Variants in FSIP2 observed in about 807,000 individuals in gnomAD.
FSIP2 encodes fibrous sheath-interacting protein 2.
Under a neutral mutation model 510.5 loss-of-function variants are expected in FSIP2, and 367 were observed. The ratio of observed to expected loss-of-function variants is 0.72; its 90% CI spans 0.66 to 0.78. The LOEUF is 0.78. FSIP2 is among the 30% of genes least tolerant of loss of function. The pLI is 0.00. For missense variants in FSIP2, 7,594 were observed against 7,901.7 expected (o/e 0.96, Z 1.48); for synonymous variants, 2,601 against 2,732.2 (o/e 0.95, Z 1.50).
chr2:185,801,494 C>T lies in FSIP2; in HGVS notation c.12188C>T (p.Ala4063Val). Reference sequence around the variant, plus strand: ...TTACAGCAGTATGAATTAAAAGTGGCCTGTGGTAATAATCCGGTATACGAC... The same window carrying T: ...TTACAGCAGTATGAATTAAAAGTGGTCTGTGGTAATAATCCGGTATACGAC... ...DVLQQYELKV[A>V]CGNNPVYDNA... The change falls in exon 17 of 23, where the codon GCC becomes GTC. Residue 4063 changes from alanine to valine, a missense_variant. Coordinates refer to ENST00000424728, the MANE Select transcript of FSIP2 (RefSeq NM_173651.4). The T allele has an allele frequency of 6.5e-7, 1 of 1,533,522 alleles. No individual in the cohort carries two copies. The highest frequency in any genetic ancestry group is 1.2e-5 in the South Asian group (1 of 83,896). 95.0% of individuals were successfully genotyped at this position (1,533,522 alleles called of 1,614,324 possible).
intron 21 of FSIP2, among the ~76,000 whole-genome samples, chr2:185,831,391 T>A (rs1462225817): frequency 6.6e-6 from 1 of 151,906 alleles, no homozygotes; most frequent in African/African-American, 2.4e-5. Context: ...GACTCTGCAG[T>A]GGCTAAGATT....
chr2:185,743,082 T>C (rs1691955198), intron 2 of FSIP2, 51 bp from the exon 3 acceptor site: 3 of 1,158,386 alleles, frequency 2.6e-6, no homozygotes, highest in Admixed American at 3.5e-5. Context: ...TGATAGATTA[T>C]TTAAAGTGAA....
At chr2:185,762,940 A>G (rs537428151) in intron 11 of FSIP2, among the ~76,000 whole-genome samples, 1 of 151,630 alleles carries the variant, frequency 6.6e-6, no homozygotes, top group African/African-American at 2.4e-5. Context: ...ACATTAAATA[A>G]GGATTTCAGG....
chr2:185,780,723 A>G (rs59992605), intron 13 of FSIP2, among the ~76,000 whole-genome samples: 82,578 of 151,694 alleles, frequency 0.54, 22,724 homozygotes, highest in South Asian at 0.64. Flanking sequence ...ATTTCTGTGG[A>G]GAGTGGGAGG....
chr2:185,756,901 G>A (rs984108129), intron 9 of FSIP2, among the ~76,000 whole-genome samples: 4 of 151,206 alleles, frequency 2.6e-5, no homozygotes, highest in Non-Finnish European at 5.9e-5. Flanking sequence ...AAGAAATACT[G>A]TTTAAAATCT....
Position 185,793,270 on chromosome 2 carries a change from T to C in FSIP2, c.6134T>C (p.Leu2045Ser), listed in dbSNP as rs1314662619. 2 of 1,534,258 alleles carry C rather than the reference T, an allele frequency of 1.3e-6. No individual in the cohort carries two copies. Among genetic ancestry groups the C allele is most frequent in the South Asian group, 2.4e-5 (2 of 83,996 alleles). The change falls in exon 16 of 23, where the codon TTG (leucine) becomes TCG (serine). Residue 2045 changes from leucine (L) to serine (S), a missense_variant. Leu to Ser is a moderately radical substitution (Grantham distance 145). Transcript: ENST00000424728. The part of the protein sequence containing the change: ...ESIASQIVNA[L>S]LDIISRKGKC... The stretch of plus-strand genomic sequence containing the variant: ...ATTGCAAGTCAAATTGTTAACGCAT[T>C]GTTAGACATTATATCACGTAAAGGC...
At position 185,791,391 on chromosome 2, in the gene FSIP2, A is replaced by G. The variant is rs764814514; in HGVS notation, c.4255A>G (p.Asn1419Asp). The G allele has an allele frequency of 5.2e-6, 8 of 1,534,036 alleles. No individual in the cohort carries two copies. Among genetic ancestry groups the G allele is most frequent in the African/African-American group, 1.4e-5 (1 of 72,900 alleles). The change falls in exon 16 of 23, where the codon AAT becomes GAT. Residue 1419 changes from asparagine to aspartate, a missense_variant. Physicochemically the swap from Asn to Asp is conservative, Grantham distance 23. Coordinates refer to ENST00000424728, the MANE Select transcript of FSIP2 (RefSeq NM_173651.4). ...LATPCTHHSV[N>D]GGNHIKENAK... Reference sequence around the variant, plus strand: ...TACTCCTTGTACTCACCACAGTGTCAATGGTGGAAACCATATTAAAGAGAA... The same window carrying G: ...TACTCCTTGTACTCACCACAGTGTCGATGGTGGAAACCATATTAAAGAGAA...
At chr2:185,809,279 TC>T in intron 17 of FSIP2, 146 bp downstream of exon 17, 1 of 836,052 alleles carries the variant, frequency 1.2e-6, no homozygotes, top group Non-Finnish European at 1.8e-6. Flanking sequence ...CATCAGTTCA[TC>T]CATACAGTCA....
In FSIP2 at chr2:185,807,631, G is replaced by A; in HGVS notation, c.18325G>A (p.Gly6109Arg). Residue 6109 changes from glycine to arginine, a missense_variant, in exon 17 of 23, where the codon GGA becomes AGA. Transcript: ENST00000424728. ...GATTATACAAAATTGTGTAACCAGTGGATGCAAAATCCTTTCAGAAAACAT... is the reference window on the plus strand; with the variant it reads ...GATTATACAAAATTGTGTAACCAGTAGATGCAAAATCCTTTCAGAAAACAT... ...QEIIQNCVTSGCKILSENIVD... is the reference protein window; with the variant it reads ...QEIIQNCVTSRCKILSENIVD... 6.2e-7 allele frequency: 1 copy of A among 1,612,914 alleles called. No homozygotes were observed. The highest frequency in any genetic ancestry group is 8.5e-7 in the Non-Finnish European group (1 of 1,179,274).
At chr2:185,754,381 A>G (rs1005892690) in intron 8 of FSIP2, among the ~76,000 whole-genome samples, 1 of 151,448 alleles carries the variant, frequency 6.6e-6, no homozygotes, top group African/African-American at 2.4e-5. Flanking sequence ...CCAGAATGCA[A>G]AAATGTAGAC....
At chr2:185,799,626 A>C (rs1369976333) in intron 16 of FSIP2, 71 bp from the exon 17 acceptor site, 5 of 742,396 alleles carry the variant, frequency 6.7e-6, no homozygotes, top group African/African-American at 1.8e-5. Context: ...TGTAAATAAT[A>C]ATTTCAAATA....
chr2:185,786,543 A>G (rs75606612), intron 15 of FSIP2, among the ~76,000 whole-genome samples: 3,279 of 152,014 alleles, frequency 0.022, 98 homozygotes, highest in African/African-American at 0.069. Flanking sequence ...GTGAGATATT[A>G]ACGGATCTAT....
Position 185,803,852 on chromosome 2 carries a change from A to G in FSIP2, c.14546A>G (p.Asn4849Ser). Residue 4849 changes from asparagine to serine, a missense_variant, in exon 17 of 23, where the codon AAT becomes AGT. Physicochemically the swap from Asn to Ser is conservative, Grantham distance 46. Transcript: ENST00000424728. The stretch of plus-strand genomic sequence containing the variant: ...GAAATATGTATTATTAAATATGGGA[A>G]TAAAAAACAGAGTATGATTTCAGCA... Reference protein sequence around the residue: ...KHEICIIKYGNKKQSMISAKD... With the variant: ...KHEICIIKYGSKKQSMISAKD... The G allele has an allele frequency of 6.6e-7, 1 of 1,511,766 alleles. No homozygotes were observed. Among genetic ancestry groups the G allele is most frequent in the Non-Finnish European group, 8.8e-7 (1 of 1,133,294 alleles). 93.6% of individuals were successfully genotyped at this position (1,511,766 alleles called of 1,614,324 possible). A position where few individuals can be genotyped will look rare whatever the true frequency, so the allele number is the denominator to read the frequency against.
Position 185,792,772 on chromosome 2 carries a change from C to T in FSIP2, c.5636C>T (p.Ser1879Phe), listed in dbSNP as rs1332534707. The change falls in exon 16 of 23, where the codon TCT (serine) becomes TTT (phenylalanine). Residue 1879 changes from serine to phenylalanine, a missense_variant. Coordinates refer to ENST00000424728, the MANE Select transcript of FSIP2 (RefSeq NM_173651.4). Reference protein sequence around the residue: ...YKTITFSANVSSHEHTYKGKS... With the variant: ...YKTITFSANVFSHEHTYKGKS... ...ACTATCACTTTTTCAGCAAATGTTT[C>T]TTCTCATGAACACACCTATAAAGGA... 1 of 1,534,118 alleles carries T rather than the reference C, an allele frequency of 6.5e-7. No homozygotes were observed. Among genetic ancestry groups the T allele is most frequent in the African/African-American group, 1.4e-5 (1 of 72,876 alleles).
intron 17 of FSIP2, among the ~76,000 whole-genome samples, chr2:185,811,902 G>A (rs972419064): frequency 1.3e-5 from 2 of 152,098 alleles, no homozygotes; most frequent in African/African-American, 4.8e-5. Flanking sequence ...CTCAGCCTCT[G>A]CCTAGATTTC....
Position 185,815,298 on chromosome 2 carries a change from C to CA in FSIP2, c.20326-67dup, listed in dbSNP as rs560717335. The CA allele has an allele frequency of 1.1e-3, 818 of 728,832 alleles. 5 individuals carry two copies. In the African/African-American group the frequency reaches 0.014, roughly 12 times the overall value. 45.1% of individuals were successfully genotyped at this position (728,832 alleles called of 1,614,324 possible). On this transcript the variant is annotated intron_variant, in intron 18 of 22. Transcript: ENST00000424728. The stretch of plus-strand genomic sequence containing the variant: ...TTCCATTAAAATGTAGATTATACTG[C>CA]AAAAAATGCCATAAGGTAAGAAAAT...
At chr2:185,760,610 T>C (rs933440943) in intron 9 of FSIP2, among the ~76,000 whole-genome samples, 1 of 150,306 alleles carries the variant, frequency 6.7e-6, no homozygotes, top group African/African-American at 2.4e-5. Context: ...AATTATAGCA[T>C]AGCCATACAA....
chr2:185,789,367 T>C lies in FSIP2; in HGVS notation c.2231T>C (p.Ile744Thr). The change falls in exon 16 of 23, where the codon ATC (isoleucine) becomes ACC (threonine). Residue 744 changes from isoleucine (I) to threonine (T), a missense_variant. Transcript: ENST00000424728. ...GAACAATGTGAACGTGAAAAAGAAA[T>C]CTTGCTTTCCAATGCTCATATTCCC... The part of the protein sequence containing the change: ...FVEQCEREKE[I>T]LLSNAHIPSV... 6.5e-7 allele frequency: 1 copy of C among 1,535,024 alleles called. No individual in the cohort carries two copies. Among genetic ancestry groups the C allele is most frequent in the Non-Finnish European group, 8.7e-7 (1 of 1,145,976 alleles).
chr2:185,797,627 A>AT (rs1693323176), intron 16 of FSIP2, 101 bp downstream of exon 16: 2 of 1,250,100 alleles, frequency 1.6e-6, no homozygotes, highest in South Asian at 3.0e-5. Context: ...TGTATTCACT[A>AT]TTTTTCTGAA....
Sources: gnomAD v4.1 joint callset for allele counts (sites outside exome capture counted in the v4.1 genomes callset) on GRCh38, gnomAD v4.1.1 for gene constraint, MANE v1.5 for transcripts, NCBI Gene and HGNC (gene_info 2026-07-23, HGNC 2026-07-21) for gene names.